The following PCDH15 variants were observed in gnomAD, a reference collection of about 807,000 sequenced individuals.
The protein encoded by PCDH15 is protocadherin related 15.
Under a neutral mutation model 178.5 loss-of-function variants are expected in PCDH15, and 129 were observed. That is an observed-to-expected ratio of 0.72 (90% CI 0.63 to 0.84). The LOEUF is 0.84. PCDH15 is among the 40% of genes least tolerant of loss of function. The pLI is 0.00. For synonymous variants in PCDH15, 800 were observed against 732.0 expected, an observed-to-expected ratio of 1.09 and a Z score of -1.50; for missense variants, 2,230 against 2,099.9, an observed-to-expected ratio of 1.06 and a Z score of -1.21.
At chr10:55,069,009 T>G (rs1433805410) in intron 2 of PCDH15, among the ~76,000 whole-genome samples, 1 of 151,814 alleles carries the variant, frequency 6.6e-6, no homozygotes, top group African/African-American at 2.4e-5. Flanking sequence ...GCGATTCTTG[T>G]GCCTCACCCT....
chr10:55,537,426 TG>T (rs1342266440), intron 2 of PCDH15, among the ~76,000 whole-genome samples: 3 of 151,798 alleles, frequency 2.0e-5, no homozygotes, highest in Non-Finnish European at 4.4e-5. Flanking sequence ...TATGTATGTA[TG>T]TATGTATGTA....
chr10:55,571,241 T>C (rs551830392), intron 2 of PCDH15, among the ~76,000 whole-genome samples: 1 of 152,170 alleles, frequency 6.6e-6, no homozygotes, highest in Non-Finnish European at 1.5e-5. Context: ...TTCACCATGA[T>C]TGGAAGTTTC....
At position 54,140,220 on chromosome 10, in the gene PCDH15, C is replaced by T. The variant is rs530065106; in HGVS notation, c.1785-7213G>A. On this transcript the variant is annotated intron_variant, in intron 14 of 37. Coordinates refer to ENST00000644397, the MANE Select transcript of PCDH15 (RefSeq NM_001384140.1). ...TGGCAATTTTTTAAATATAGTTAAGCCCAAAGCTGGATGTAACATGGAGCC... is the reference window on the plus strand; with the variant it reads ...TGGCAATTTTTTAAATATAGTTAAGTCCAAAGCTGGATGTAACATGGAGCC... Among the ~76,000 whole-genome samples the T allele has an allele frequency of 2.0e-5, 3 of 152,166 alleles. No homozygotes were observed. In the East Asian group the frequency reaches 5.8e-4, roughly 29 times the overall value.
chr10:53,928,440 G>C (rs2084763511), intron 25 of PCDH15, among the ~76,000 whole-genome samples: 1 of 152,002 alleles, frequency 6.6e-6, no homozygotes, highest in Non-Finnish European at 1.5e-5. Flanking sequence ...ACCTGACCTT[G>C]ATTATATTAC....
chr10:54,435,463 G>T (rs2075318582), intron 3 of PCDH15, among the ~76,000 whole-genome samples: 1 of 152,112 alleles, frequency 6.6e-6, no homozygotes, highest in African/African-American at 2.4e-5. Flanking sequence ...TATTTTGCCT[G>T]GACTATATTG....
rs1318430573 is a variant in PCDH15, at chr10:53,832,927, GCTT to G, written c.3984-1397_3984-1395del. ...ATATCACACATGTGGCAATTAGAAT[GCTT>G]TTTTGCTTTTTTTAAACAGATACGC... On this transcript the variant is annotated intron_variant, in intron 29 of 37. Transcript: ENST00000644397. Among the ~76,000 whole-genome samples the G allele has an allele frequency of 6.8e-5, 10 of 147,120 alleles. No individual in the cohort carries two copies. The South Asian group carries it at 2.2e-3, about 33-fold the overall frequency.
chr10:54,975,551 A>ATTGTT (rs1839048888), intron 2 of PCDH15, among the ~76,000 whole-genome samples: 1 of 152,110 alleles, frequency 6.6e-6, no homozygotes, highest in African/African-American at 2.4e-5. Context: ...CTAACAGACA[A>ATTGTT]GGTAGATGGA....
intron 2 of PCDH15, among the ~76,000 whole-genome samples, chr10:55,449,416 A>AAAATACAAAGAGTACACC (rs1839385500): frequency 6.6e-6 from 1 of 152,138 alleles, no homozygotes; most frequent in Non-Finnish European, 1.5e-5. Context: ...AACAGGCAAT[A>AAAATACAAAGAGTACACC]AAATACAAAG....
intron 1 of PCDH15, among the ~76,000 whole-genome samples, chr10:55,170,491 C>A (rs1302017014): frequency 6.6e-6 from 1 of 152,058 alleles, no homozygotes; most frequent in African/African-American, 2.4e-5. Context: ...ACCACTACCA[C>A]CCCCTTTTCC....
At chr10:54,709,412 C>T (rs573715265) in intron 1 of PCDH15, among the ~76,000 whole-genome samples, 280 of 151,624 alleles carry the variant, frequency 1.8e-3, no homozygotes, top group South Asian at 4.2e-3. Flanking sequence ...TTATACTGCA[C>T]AATCTATTTA....
intron 2 of PCDH15, among the ~76,000 whole-genome samples, chr10:55,432,931 G>A (rs1838923350): frequency 6.6e-6 from 1 of 151,960 alleles, no homozygotes; most frequent in Non-Finnish European, 1.5e-5. Context: ...GGCTGAGGCG[G>A]GAGAATGGCC....
At chr10:53,823,903 C>A in intron 32 of PCDH15, 1 of 393,310 alleles carries the variant, frequency 2.5e-6, no homozygotes. Context: ...GGGAGTTTGT[C>A]TCACAGCCCA....
chr10:54,260,318 C>T (rs1311847715), intron 8 of PCDH15, among the ~76,000 whole-genome samples: 1 of 151,470 alleles, frequency 6.6e-6, no homozygotes, highest in Admixed American at 6.6e-5. Flanking sequence ...GAAGGAATCT[C>T]TCTCTGTCGC....
At chr10:54,006,178 T>C (rs1484991012) in intron 20 of PCDH15, among the ~76,000 whole-genome samples, 1 of 152,136 alleles carries the variant, frequency 6.6e-6, no homozygotes, top group Non-Finnish European at 1.5e-5. Flanking sequence ...TGGATTTTTA[T>C]AGGAAATATG....
rs554782051 is a variant in PCDH15, at chr10:55,568,502, A to AT, written c.-156+59122dup. ...TATAAATGTGATTAATGATAATTAC[A>AT]TTATGTGTATTTTTACCAAAATACA... On this transcript the variant is annotated intron_variant, in intron 2 of 5. Coordinates refer to the PCDH15 transcript ENST00000613346. Among the ~76,000 whole-genome samples, 587 of 152,150 alleles carry AT rather than the reference A, an allele frequency of 3.9e-3. 2 individuals carry two copies. Among genetic ancestry groups the AT allele is most frequent in the Non-Finnish European group, 6.4e-3 (432 of 67,966 alleles).
At chr10:54,795,908 T>C (rs879335338) in intron 1 of PCDH15, among the ~76,000 whole-genome samples, 2 of 151,936 alleles carry the variant, frequency 1.3e-5, no homozygotes, top group Non-Finnish European at 2.9e-5. Context: ...TCAATCTCCA[T>C]TTACTGAAAT....
intron 2 of PCDH15, among the ~76,000 whole-genome samples, chr10:55,573,924 T>C (rs61851709): frequency 0.3 from 45,705 of 151,590 alleles, 6,956 homozygotes; most frequent in African/African-American, 0.35. Flanking sequence ...TAAGCTAATA[T>C]TCATGTTACC....
chr10:53,880,209 T>C (rs1364842577), intron 26 of PCDH15, among the ~76,000 whole-genome samples: 1 of 152,184 alleles, frequency 6.6e-6, no homozygotes. Context: ...TCACAGTTCA[T>C]AATAAACATC....
chr10:53,885,929 A>G (rs575166388), intron 26 of PCDH15, among the ~76,000 whole-genome samples: 23 of 152,318 alleles, frequency 1.5e-4, no homozygotes, highest in African/African-American at 5.5e-4. Context: ...TTAGCATTCT[A>G]TACTAATGCT....
Sources: gnomAD v4.1 joint callset for allele counts (sites outside exome capture counted in the v4.1 genomes callset) on GRCh38, gnomAD v4.1.1 for gene constraint, MANE v1.5 for transcripts, NCBI Gene and HGNC (gene_info 2026-07-23, HGNC 2026-07-21) for gene names.